Variants in IGSF21 observed in about 807,000 individuals in gnomAD.
IGSF21 encodes immunoglobin superfamily member 21.
In IGSF21, 28 loss-of-function variants were observed where a neutral mutation model predicts 46.8. The observed-to-expected ratio is 0.60, with a 90% confidence interval of 0.44 to 0.82. IGSF21 has a LOEUF of 0.82. IGSF21 is among the 40% of genes least tolerant of loss of function. The pLI is 0.00. For synonymous variants in IGSF21, 284 were observed against 273.6 expected (o/e 1.04, Z -0.38); for missense variants, 624 against 665.5 (o/e 0.94, Z 0.69).
intron 1 of IGSF21, among the ~76,000 whole-genome samples, chr1:18,175,851 C>A (rs2086790491): frequency 6.6e-6 from 1 of 152,248 alleles, no homozygotes; most frequent in African/African-American, 2.4e-5. Context: ...TAATCACGCA[C>A]TGATTAAAAT....
intron 1 of IGSF21, among the ~76,000 whole-genome samples, chr1:18,177,255 A>T (rs571508154): frequency 1.0e-5 from 1 of 96,150 alleles, no homozygotes; most frequent in African/African-American, 3.9e-5. Flanking sequence ...GCACTTTCTG[A>T]AGGACTCAGA....
Position 18,341,581 on chromosome 1 carries a change from C to T in IGSF21, c.424+6571C>T, listed in dbSNP as rs186908900. Among the ~76,000 whole-genome samples, 8 of 152,286 alleles carry T rather than the reference C, an allele frequency of 5.3e-5. No homozygotes were observed. The East Asian group carries it at 1.3e-3, about 26-fold the overall frequency. Reference sequence around the variant, plus strand: ...CTGTGCTAAACTCTTCTTGTGTTAACTCACTGAACACTCACAAAAGCTCTG... The same window carrying T: ...CTGTGCTAAACTCTTCTTGTGTTAATTCACTGAACACTCACAAAAGCTCTG... On this transcript the variant is annotated intron_variant, in intron 4 of 9. Transcript: ENST00000251296.
At chr1:18,114,569 T>C (rs747115348) in intron 1 of IGSF21, 6 of 152,250 alleles carry the variant, frequency 3.9e-5, no homozygotes, top group Non-Finnish European at 7.3e-5. Flanking sequence ...ACATTCTTTC[T>C]TTCTGCAGTT....
At chr1:18,184,847 T>G (rs369941563) in intron 1 of IGSF21, among the ~76,000 whole-genome samples, 60 of 152,194 alleles carry the variant, frequency 3.9e-4, no homozygotes, top group African/African-American at 1.4e-3. Flanking sequence ...CCCTGAGAGG[T>G]GAGATGAGAC....
intron 1 of IGSF21, among the ~76,000 whole-genome samples, chr1:18,177,397 GT>G (rs1557573398): frequency 0.043 from 1,396 of 32,206 alleles, 34 homozygotes; most frequent in African/African-American, 0.17. Context: ...AGTGAGGTGT[GT>G]GTGTGTGTGT....
chr1:18,348,536 C>A (rs1425568931), intron 4 of IGSF21, among the ~76,000 whole-genome samples: 1 of 152,214 alleles, frequency 6.6e-6, no homozygotes, highest in East Asian at 1.9e-4. Context: ...TAAACTTCCC[C>A]TCCCTGGAAC....
chr1:18,285,720 C>T (rs1169517864), intron 2 of IGSF21, among the ~76,000 whole-genome samples: 6 of 152,164 alleles, frequency 3.9e-5, no homozygotes, highest in Non-Finnish European at 7.4e-5. Context: ...ACCCATGTTA[C>T]GGTCTGCTGC....
chr1:18,155,274 G>A (rs1305459811), intron 1 of IGSF21, among the ~76,000 whole-genome samples: 1 of 152,150 alleles, frequency 6.6e-6, no homozygotes, highest in African/African-American at 2.4e-5. Context: ...CATAGAGAGA[G>A]CCTCGCCCCT....
intron 3 of IGSF21, among the ~76,000 whole-genome samples, chr1:18,332,299 G>A (rs2085721255): frequency 6.6e-6 from 1 of 152,158 alleles, no homozygotes; most frequent in Admixed American, 6.5e-5. Context: ...AGAGCTGCCA[G>A]CTACACATGT....
At chr1:18,278,695 A>G (rs2085128754) in intron 2 of IGSF21, 3 of 386,608 alleles carry the variant, frequency 7.8e-6, no homozygotes, top group South Asian at 1.9e-5. Flanking sequence ...CTGGGACTAC[A>G]GGCACATACC....
At chr1:18,142,135 C>A (rs2086420658) in intron 1 of IGSF21, among the ~76,000 whole-genome samples, 1 of 152,024 alleles carries the variant, frequency 6.6e-6, no homozygotes, top group African/African-American at 2.4e-5. Context: ...TAAACAAAAC[C>A]AAAACCAACA....
intron 3 of IGSF21, among the ~76,000 whole-genome samples, chr1:18,310,636 C>T (rs560991127): frequency 7.2e-5 from 11 of 152,316 alleles, no homozygotes; most frequent in African/African-American, 2.4e-4. Context: ...GTTCAGCTTT[C>T]AGAGATGCTG....
intron 2 of IGSF21, among the ~76,000 whole-genome samples, chr1:18,277,850 G>A (rs1032281051): frequency 1.3e-5 from 2 of 152,132 alleles, no homozygotes; most frequent in Admixed American, 6.5e-5. Context: ...TTAGAATAAC[G>A]ATCATCTCTC....
chr1:18,133,766 C>T lies in IGSF21; in HGVS notation c.70+25568C>T, dbSNP rs116448342. On this transcript the variant is annotated intron_variant, in intron 1 of 9. Coordinates refer to ENST00000251296, the MANE Select transcript of IGSF21 (RefSeq NM_032880.5). The stretch of plus-strand genomic sequence containing the variant: ...CCTTCACTATTGGACAACTGCCGAT[C>T]CCCGTTATGGGGCTGGAAGCCTCCG... 9.3e-3 allele frequency among the ~76,000 whole-genome samples: 1,420 copies of T among 152,366 alleles called. 12 individuals carry two copies. The highest frequency in any genetic ancestry group is 0.016 in the Non-Finnish European group (1,111 of 68,044).
At chr1:18,219,892 C>A (rs897937919) in intron 1 of IGSF21, among the ~76,000 whole-genome samples, 2 of 152,172 alleles carry the variant, frequency 1.3e-5, no homozygotes, top group South Asian at 2.1e-4. Context: ...GCATGAAGAA[C>A]CACACCCTCA....
intron 3 of IGSF21, among the ~76,000 whole-genome samples, chr1:18,330,491 C>T (rs2124602523): frequency 6.6e-6 from 1 of 152,076 alleles, no homozygotes. Flanking sequence ...AAGAATGCCA[C>T]TGTAGCTGGA....
At chr1:18,113,943 T>TGC (rs1355634776) in intron 1 of IGSF21, 1 of 152,176 alleles carries the variant, frequency 6.6e-6, no homozygotes, top group Non-Finnish European at 1.5e-5. Context: ...CCCCAGTCCT[T>TGC]GCGTTACTCG....
intron 2 of IGSF21, among the ~76,000 whole-genome samples, chr1:18,260,511 A>C (rs770827832): frequency 6.6e-6 from 1 of 152,230 alleles, no homozygotes; most frequent in Non-Finnish European, 1.5e-5. Context: ...CAGGTAGTGC[A>C]CCCATAGTCA....
At chr1:18,178,211 C>G (rs2086822324) in intron 1 of IGSF21, among the ~76,000 whole-genome samples, 1 of 152,120 alleles carries the variant, frequency 6.6e-6, no homozygotes, top group South Asian at 2.1e-4. Flanking sequence ...CAGGCCAGCC[C>G]CAAAATGCAT....
Sources: gnomAD v4.1 joint callset for allele counts (sites outside exome capture counted in the v4.1 genomes callset) on GRCh38, gnomAD v4.1.1 for gene constraint, MANE v1.5 for transcripts, NCBI Gene and HGNC (gene_info 2026-07-23, HGNC 2026-07-21) for gene names.